Variants in TMEFF1 observed in about 807,000 individuals in gnomAD.
The protein encoded by TMEFF1 is tomoregulin-1.
TMEFF1 carries 20 observed loss-of-function variants against 47.5 expected under a neutral mutation model. The ratio of observed to expected loss-of-function variants is 0.42; its 90% CI spans 0.30 to 0.61. The LOEUF (loss-of-function observed/expected upper bound fraction) is 0.61, where lower values mean the gene tolerates loss of function less well. Among genes scored for constraint, TMEFF1 ranks in the 20% least tolerant of loss-of-function variants. TMEFF1 has a pLI of 0.19. For synonymous variants in TMEFF1, 162 were observed against 166.3 expected, an observed-to-expected ratio of 0.97 and a Z score of 0.20; for missense variants, 411 against 471.1, an observed-to-expected ratio of 0.87 and a Z score of 1.18.
intron 3 of TMEFF1, among the ~76,000 whole-genome samples, chr9:100,509,566 G>A (rs867048690): frequency 1.3e-5 from 2 of 152,118 alleles, no homozygotes; most frequent in Non-Finnish European, 1.5e-5. Flanking sequence ...GAGGTCAGGA[G>A]ATTGAGACCA....
chr9:100,529,588 A>G (rs1258874448), intron 5 of TMEFF1, among the ~76,000 whole-genome samples: 2 of 152,088 alleles, frequency 1.3e-5, no homozygotes, highest in African/African-American at 4.8e-5. Context: ...CCAGATTCAT[A>G]AAGCAAGTCC....
In TMEFF1 at chr9:100,498,792, G is replaced by T. The variant is rs138349581; in HGVS notation, c.224G>T (p.Arg75Ile). Reference protein sequence around the residue: ...SELNVRESDVRVCDESSCKYG... With the variant: ...SELNVRESDVIVCDESSCKYG... ...TTAAATGTGAGGGAGTCTGACGTAA[G>T]AGTTTGTGATGAGTCATCATGTAAA... Residue 75 changes from arginine to isoleucine, a missense_variant, in exon 2 of 10, where the codon AGA becomes ATA. Transcript: ENST00000374879. 5.6e-5 allele frequency: 90 copies of T among 1,613,762 alleles called. No homozygotes were observed. In the African/African-American group the frequency reaches 9.7e-4, roughly 17 times the overall value.
intron 8 of TMEFF1, among the ~76,000 whole-genome samples, chr9:100,563,081 G>A (rs1473322501): frequency 1.3e-5 from 2 of 152,184 alleles, no homozygotes; most frequent in East Asian, 1.9e-4. Flanking sequence ...CTCCCAAAGT[G>A]CTGGGATTGC....
At chr9:100,474,734 C>T (rs901791539) in intron 1 of TMEFF1, among the ~76,000 whole-genome samples, 1 of 151,896 alleles carries the variant, frequency 6.6e-6, no homozygotes, top group African/African-American at 2.4e-5. Context: ...TGCGGGAGGG[C>T]CTGGATTCTG....
intron 5 of TMEFF1, among the ~76,000 whole-genome samples, chr9:100,518,752 T>C (rs1373609696): frequency 2.0e-5 from 3 of 152,222 alleles, no homozygotes; most frequent in African/African-American, 7.2e-5. Flanking sequence ...GTTATTTTTT[T>C]TTAACTTTTA....
intron 5 of TMEFF1, among the ~76,000 whole-genome samples, chr9:100,543,728 C>CAT (rs903422730): frequency 6.6e-6 from 1 of 151,814 alleles, no homozygotes; most frequent in Non-Finnish European, 1.5e-5. Flanking sequence ...CACACACACA[C>CAT]ACACACACAC....
At chr9:100,544,510 G>A (rs1451623590) in intron 5 of TMEFF1, among the ~76,000 whole-genome samples, 1 of 152,150 alleles carries the variant, frequency 6.6e-6, no homozygotes, top group Non-Finnish European at 1.5e-5. Flanking sequence ...CCTCCTACCG[G>A]GTTCCTCCCA....
At chr9:100,476,822 CAG>C (rs1378795318) in intron 1 of TMEFF1, among the ~76,000 whole-genome samples, 1 of 151,186 alleles carries the variant, frequency 6.6e-6, no homozygotes, top group Non-Finnish European at 1.5e-5. Flanking sequence ...TCAGCCTCCC[CAG>C]TAGCTGGGAC....
At chr9:100,477,735 C>T (rs1837262386) in intron 1 of TMEFF1, among the ~76,000 whole-genome samples, 1 of 150,366 alleles carries the variant, frequency 6.7e-6, no homozygotes, top group South Asian at 2.1e-4. Context: ...AACCAGTTCT[C>T]CTGCCTCAAG....
At chr9:100,507,977 G>A (rs1052281181) in intron 2 of TMEFF1, among the ~76,000 whole-genome samples, 3 of 152,046 alleles carry the variant, frequency 2.0e-5, no homozygotes, top group Non-Finnish European at 4.4e-5. Context: ...TTACCCCAAA[G>A]TAGAACCAAA....
intron 5 of TMEFF1, among the ~76,000 whole-genome samples, chr9:100,531,974 AAAAC>A (rs1587840952): frequency 6.6e-6 from 1 of 150,748 alleles, no homozygotes; most frequent in African/African-American, 2.4e-5. Context: ...AAACCTGAGA[AAAAC>A]AAGCAATGGG....
chr9:100,567,674 A>T (rs1432582384), intron 8 of TMEFF1, among the ~76,000 whole-genome samples: 1 of 152,164 alleles, frequency 6.6e-6, no homozygotes, highest in African/African-American at 2.4e-5. Flanking sequence ...TTGGGATGAA[A>T]ATAGAAAGTG....
At chr9:100,548,031 A>T in intron 6 of TMEFF1, 139 bp downstream of exon 6, 1 of 1,024,778 alleles carries the variant, frequency 9.8e-7, no homozygotes, top group Non-Finnish European at 1.3e-6. Context: ...TATATTTCAG[A>T]TTTTTTATTA....
chr9:100,548,738 A>G (rs1308423951), intron 6 of TMEFF1, among the ~76,000 whole-genome samples: 2 of 152,250 alleles, frequency 1.3e-5, no homozygotes. Context: ...TTATATTGGT[A>G]ACAAATTATT....
Position 100,576,582 on chromosome 9 carries a change from G to T in TMEFF1, c.1125G>T (p.Thr375=). 1.2e-6 allele frequency: 2 copies of T among 1,613,064 alleles called. No individual in the cohort carries two copies. The highest frequency in any genetic ancestry group is 1.7e-6 in the Non-Finnish European group (2 of 1,179,534). ...KQNLGHFTSD[T]SSRMV ...ACCTAGGTCATTTTACTTCAGATAC[G>T]TCATCCAGAATGGTTTAAACTGATG... The change falls in exon 10 of 10, where the codon ACG becomes ACT. Residue 375 remains threonine, a synonymous_variant. Transcript: ENST00000374879.
intron 2 of TMEFF1, among the ~76,000 whole-genome samples, chr9:100,508,426 C>A (rs1183056557): frequency 2.0e-5 from 3 of 152,082 alleles, no homozygotes; most frequent in African/African-American, 7.2e-5. Context: ...TTGAATACTT[C>A]AGCTTACAAT....
chr9:100,526,018 A>C (rs1838247617), intron 5 of TMEFF1, among the ~76,000 whole-genome samples: 2 of 152,184 alleles, frequency 1.3e-5, no homozygotes, highest in Admixed American at 1.3e-4. Flanking sequence ...AAAAGGTGTG[A>C]GATTTTAAAA....
intron 5 of TMEFF1, among the ~76,000 whole-genome samples, chr9:100,529,602 G>T (rs1353837032): frequency 6.6e-6 from 1 of 152,044 alleles, no homozygotes; most frequent in Admixed American, 6.6e-5. Flanking sequence ...CAAGTCCTGA[G>T]TGACCTACAG....
chr9:100,573,580 C>T (rs894108421), intron 9 of TMEFF1, among the ~76,000 whole-genome samples: 1 of 152,172 alleles, frequency 6.6e-6, no homozygotes, highest in Non-Finnish European at 1.5e-5. Context: ...TCAGAAGTCT[C>T]ATAAGCATCA....
Sources: gnomAD v4.1 joint callset for allele counts (sites outside exome capture counted in the v4.1 genomes callset) on GRCh38, gnomAD v4.1.1 for gene constraint, MANE v1.5 for transcripts, NCBI Gene and HGNC (gene_info 2026-07-23, HGNC 2026-07-21) for gene names.